Variants in NHSL1 observed in about 807,000 individuals in gnomAD.
The protein encoded by NHSL1 is NHS like 1.
A neutral mutation model predicts 95.0 loss-of-function variants in NHSL1; 48 were observed. The ratio of observed to expected loss-of-function variants is 0.51; its 90% CI spans 0.40 to 0.64. The LOEUF (loss-of-function observed/expected upper bound fraction) is 0.64. NHSL1 is among the 30% of genes least tolerant of loss of function. NHSL1 has a pLI of 0.00. For missense variants in NHSL1, 1,971 were observed against 2,077.7 expected (o/e 0.95, Z 1.00); for synonymous variants, 783 against 833.9 (o/e 0.94, Z 1.05).
intron 1 of NHSL1, among the ~76,000 whole-genome samples, chr6:138,640,562 A>G (rs971332344): frequency 6.6e-6 from 1 of 152,196 alleles, no homozygotes; most frequent in Non-Finnish European, 1.5e-5. Flanking sequence ...ATGAATAGTA[A>G]ATATATTTTC....
At chr6:138,545,351 T>C (rs1354456994) in intron 1 of NHSL1, among the ~76,000 whole-genome samples, 1 of 152,202 alleles carries the variant, frequency 6.6e-6, no homozygotes. Flanking sequence ...TTTAAACTTT[T>C]AGCTACTTTT....
chr6:138,430,018 G>A lies in NHSL1; in HGVS notation c.3953-175C>T, dbSNP rs1376565048. ...AGAAGGGAGGAAATGACACTAGCCT[G>A]AGAGCCAGAGCTCATTCTTTGTTAA... On this transcript the variant is annotated intron_variant, in intron 6 of 7. Transcript: ENST00000343505. This position sits in a 1 kb window ranked among gnomAD's most constrained non-coding sequence, Gnocchi z 4.7. Among the ~76,000 whole-genome samples the A allele has an allele frequency of 6.6e-6, 1 of 152,200 alleles. No homozygotes were observed. The highest frequency in any genetic ancestry group is 1.5e-5 in the Non-Finnish European group (1 of 68,026).
chr6:138,553,821 A>T (rs1326269157), intron 1 of NHSL1, among the ~76,000 whole-genome samples: 1 of 152,222 alleles, frequency 6.6e-6, no homozygotes, highest in Admixed American at 6.5e-5. Context: ...AATCTGAAAG[A>T]GTCTCATTTA....
intron 1 of NHSL1, among the ~76,000 whole-genome samples, chr6:138,634,662 C>T (rs1040864535): frequency 2.0e-5 from 3 of 152,044 alleles, no homozygotes; most frequent in African/African-American, 7.2e-5. Flanking sequence ...GAAAAAGAAA[C>T]ACTGGACTTA....
intron 1 of NHSL1, among the ~76,000 whole-genome samples, chr6:138,653,778 T>C (rs1785121691): frequency 6.6e-6 from 1 of 152,208 alleles, no homozygotes; most frequent in South Asian, 2.1e-4. Context: ...GATATATGCA[T>C]ATATATGTAC....
intron 1 of NHSL1, among the ~76,000 whole-genome samples, chr6:138,558,579 A>G (rs992830092): frequency 6.6e-6 from 1 of 150,798 alleles, no homozygotes; most frequent in African/African-American, 2.4e-5. Flanking sequence ...GCACACCACC[A>G]TGCCCAGCTA....
upstream of NHSL1, among the ~76,000 whole-genome samples, chr6:138,575,411 T>C (rs1207341460): frequency 2.6e-5 from 4 of 152,216 alleles, no homozygotes; most frequent in Admixed American, 2.6e-4. Context: ...AAATGATAAC[T>C]AGTCCATTCA....
rs948903945 is a variant in NHSL1 at position 138,432,168 on chromosome 6, C to T, written c.2177G>A (p.Ser726Asn). ...SGSSPSQSPC[S>N]DLEEPWLPRS... ...GGGCAGCCAGGGCTCTTCCAAGTCACTGCAGGGGCTCTGGGAGGGCGAGCT... is the reference window on the plus strand; with the variant it reads ...GGGCAGCCAGGGCTCTTCCAAGTCATTGCAGGGGCTCTGGGAGGGCGAGCT... Residue 726 changes from serine to asparagine, a missense_variant, in exon 6 of 8, where the codon AGT (serine) becomes AAT (asparagine). This residue lies in a region of NHSL1 where 1,602 missense variants were observed against 1,654.5 expected (regional missense o/e 0.97). Coordinates refer to ENST00000343505, the MANE Select transcript of NHSL1 (RefSeq NM_001144060.2). The surrounding 1 kb of genome is among the most constrained non-coding windows in gnomAD (Gnocchi z 4.4). 1.3e-6 allele frequency: 2 copies of T among 1,547,608 alleles called. No homozygotes were observed. Among genetic ancestry groups the T allele is most frequent in the African/African-American group, 2.7e-5 (2 of 73,008 alleles).
In NHSL1 at chr6:138,473,356, T is replaced by C; in HGVS notation, c.289A>G (p.Ser97Gly). Residue 97 changes from serine (S) to glycine (G), a missense_variant, in exon 3 of 8, where the codon AGC (serine) becomes GGC (glycine). Ser to Gly is a moderately conservative substitution (Grantham distance 56). Around this residue, in one of 3 missense-constraint regions of NHSL1, gnomAD observed 1,602 missense variants for 1,654.5 expected, o/e 0.97. Coordinates refer to ENST00000343505, the MANE Select transcript of NHSL1 (RefSeq NM_001144060.2). ...TCTTGGTAATCATCACAGAATGGGC[T>C]GGCGTTGGCCGCAAAGGTGGGTCCC... is the stretch of plus-strand genomic sequence containing the variant. ...SQGPTFAANASPFCDDYQDED... is the reference protein window; with the variant it reads ...SQGPTFAANAGPFCDDYQDED... 1 of 1,548,798 alleles carries C rather than the reference T, an allele frequency of 6.5e-7. No individual in the cohort carries two copies. Among genetic ancestry groups the C allele is most frequent in the Non-Finnish European group, 8.7e-7 (1 of 1,145,932 alleles).
chr6:138,667,896 A>C (rs1313536100), intron 1 of NHSL1, among the ~76,000 whole-genome samples: 1 of 152,208 alleles, frequency 6.6e-6, no homozygotes. Flanking sequence ...GAGGGTTAGG[A>C]CTACGAAAAA....
At chr6:138,626,488 A>G (rs1044150631) in intron 1 of NHSL1, among the ~76,000 whole-genome samples, 1 of 152,238 alleles carries the variant, frequency 6.6e-6, no homozygotes, top group African/African-American at 2.4e-5. Flanking sequence ...TGCATCCATT[A>G]AAACACAGAA....
chr6:138,611,102 G>A (rs1490974363), intron 1 of NHSL1, among the ~76,000 whole-genome samples: 1 of 151,532 alleles, frequency 6.6e-6, no homozygotes, highest in African/African-American at 2.4e-5. Flanking sequence ...CAAGGAGAAT[G>A]GTATTTCAAC....
intron 1 of NHSL1, among the ~76,000 whole-genome samples, chr6:138,563,363 T>A (rs376861274): frequency 1.8e-4 from 27 of 152,200 alleles, no homozygotes; most frequent in African/African-American, 6.3e-4. Context: ...ACGTCAACAC[T>A]GAGATACCAA....
chr6:138,448,137 C>T (rs1776982858), intron 3 of NHSL1, among the ~76,000 whole-genome samples: 1 of 152,206 alleles, frequency 6.6e-6, no homozygotes, highest in Non-Finnish European at 1.5e-5. Context: ...AAGAGCCCTT[C>T]TTCAATACCT....
intron 1 of NHSL1, among the ~76,000 whole-genome samples, chr6:138,612,165 G>A (rs9495156): frequency 0.023 from 3,445 of 151,518 alleles, 135 homozygotes; most frequent in African/African-American, 0.077. Context: ...ACTGCTGATG[G>A]GAGGGTATAT....
At chr6:138,488,621 CAG>C (rs1554234804) in intron 2 of NHSL1, among the ~76,000 whole-genome samples, 1 of 152,106 alleles carries the variant, frequency 6.6e-6, no homozygotes, top group Non-Finnish European at 1.5e-5. Context: ...TTAATGAAAT[CAG>C]GGGTGAGTGA....
rs117287566 is a variant in NHSL1, at chr6:138,645,028, T to C, written c.96+47448A>G. Among the ~76,000 whole-genome samples the C allele has an allele frequency of 8.3e-3, 1,267 of 152,328 alleles. 34 individuals are homozygous for C. Among genetic ancestry groups the C allele is most frequent in the East Asian group, 0.038 (196 of 5,190 alleles). On this transcript the variant is annotated intron_variant, in intron 1 of 3. Coordinates refer to the NHSL1 transcript ENST00000491526. ...CAGGAATTCTGGAACAAGAGTCATC[T>C]GTCACTGAGGCACAGCATGATGTGT...
At chr6:138,568,479 A>G (rs1783702421) in intron 1 of NHSL1, among the ~76,000 whole-genome samples, 1 of 152,320 alleles carries the variant, frequency 6.6e-6, no homozygotes, top group Non-Finnish European at 1.5e-5. Flanking sequence ...CACACCCTTG[A>G]TTTGTATGGC....
chr6:138,430,739 G>C lies in NHSL1; in HGVS notation c.3606C>G (p.Phe1202Leu). The change falls in exon 6 of 8, where the codon TTC (phenylalanine) becomes TTG (leucine). Residue 1202 changes from phenylalanine to leucine, a missense_variant. Phe to Leu is a conservative substitution (Grantham distance 22). Transcript: ENST00000343505. This position sits in a 1 kb window ranked among gnomAD's most constrained non-coding sequence, Gnocchi z 4.7. ...PPPISKKPKLFLVVPPPQKDF... is the reference protein window; with the variant it reads ...PPPISKKPKLLLVVPPPQKDF... ...CTTTCTGCGGAGGTGGTACCACCAG[G>C]AACAGTTTGGGCTTCTTGGAAATGG... 1 of 1,551,778 alleles carries C rather than the reference G, an allele frequency of 6.4e-7. No individual in the cohort carries two copies. Among genetic ancestry groups the C allele is most frequent in the Non-Finnish European group, 8.7e-7 (1 of 1,147,022 alleles).
Sources: allele counts gnomAD v4.1 joint callset (sites outside exome capture counted in the v4.1 genomes callset), GRCh38; gene constraint gnomAD v4.1.1; regional missense constraint gnomAD v4.1.1; non-coding constraint Gnocchi (gnomAD v3.1); transcripts MANE v1.5; gene names NCBI Gene and HGNC (gene_info 2026-07-23, HGNC 2026-07-21).